The following GRM8 variants were observed in gnomAD, a reference collection of about 807,000 sequenced individuals.
The protein encoded by GRM8 is glutamate metabotropic receptor 8, also known as metabotropic glutamate receptor 8.
In GRM8, 47 loss-of-function variants were observed where a neutral mutation model predicts 87.2. That is an observed-to-expected ratio of 0.54 (90% CI 0.43 to 0.69). GRM8 has a LOEUF of 0.69. Ranked by LOEUF, GRM8 falls within the 30% of genes least tolerant of loss-of-function variation. GRM8 has a pLI of 0.00. For missense variants in GRM8, 1,019 were observed against 1,139.2 expected, an observed-to-expected ratio of 0.89 and a Z score of 1.52; for synonymous variants, 396 against 404.5, an observed-to-expected ratio of 0.98 and a Z score of 0.25.
At chr7:126,542,329 A>G (rs1469002517) in intron 8 of GRM8, among the ~76,000 whole-genome samples, 2 of 152,236 alleles carry the variant, frequency 1.3e-5, no homozygotes, top group Non-Finnish European at 2.9e-5. Context: ...GTACATACAG[A>G]AAGGAATAAA....
Position 126,956,057 on chromosome 7 carries a change from C to T in GRM8, c.728-51374G>A, listed in dbSNP as rs1419643302. On this transcript the variant is annotated intron_variant, in intron 3 of 10. Transcript: ENST00000339582. ...TGTCCAACAGAAAGCACGAATTTGA[C>T]GTGTCCAACAGAGAGGGACCAATTT... 2.0e-5 allele frequency among the ~76,000 whole-genome samples: 3 copies of T among 152,092 alleles called. 1 individual carries two copies. The highest frequency in any genetic ancestry group is 4.1e-4 in the South Asian group (2 of 4,830).
intron 3 of GRM8, among the ~76,000 whole-genome samples, chr7:127,015,069 A>AG: frequency 1.2e-5 from 1 of 80,222 alleles, no homozygotes; most frequent in African/African-American, 3.6e-5. Flanking sequence ...AAGAAGAAGA[A>AG]AGAAAGAAGG....
intron 2 of GRM8, among the ~76,000 whole-genome samples, chr7:127,153,818 TA>T (rs1792552985): frequency 6.6e-6 from 1 of 152,072 alleles, no homozygotes; most frequent in South Asian, 2.1e-4. Context: ...CAGTAAATGG[TA>T]AATAAATACT....
intron 3 of GRM8, among the ~76,000 whole-genome samples, chr7:127,032,996 G>A (rs1817520469): frequency 7.1e-6 from 1 of 141,080 alleles, no homozygotes; most frequent in Non-Finnish European, 1.5e-5. Flanking sequence ...ACTACCCTGA[G>A]GCCTTTCGTT....
At chr7:127,052,992 A>G (rs1819643125) in intron 3 of GRM8, among the ~76,000 whole-genome samples, 1 of 152,044 alleles carries the variant, frequency 6.6e-6, no homozygotes, top group Non-Finnish European at 1.5e-5. Flanking sequence ...TGTACAAAAA[A>G]TATACTCACC....
intron 3 of GRM8, among the ~76,000 whole-genome samples, chr7:127,100,304 T>A (rs1290936810): frequency 6.6e-6 from 1 of 152,220 alleles, no homozygotes; most frequent in Non-Finnish European, 1.5e-5. Context: ...TGTTTTCTTA[T>A]GAAACACTGC....
At chr7:126,816,907 A>G (rs910513736) in intron 6 of GRM8, among the ~76,000 whole-genome samples, 2 of 152,196 alleles carry the variant, frequency 1.3e-5, no homozygotes, top group East Asian at 1.9e-4. Context: ...TCACGCTTCC[A>G]TTATATTTTG....
chr7:126,488,685 A>C (rs1440132983), intron 9 of GRM8, among the ~76,000 whole-genome samples: 4 of 152,004 alleles, frequency 2.6e-5, no homozygotes, highest in African/African-American at 9.7e-5. Flanking sequence ...TTGGATATGT[A>C]CTCACTTATA....
chr7:127,076,502 A>AT (rs1268425928), intron 3 of GRM8, among the ~76,000 whole-genome samples: 1 of 152,218 alleles, frequency 6.6e-6, no homozygotes, highest in Non-Finnish European at 1.5e-5. Context: ...GCTCAGGAGG[A>AT]TTAGCGCCTG....
intron 3 of GRM8, among the ~76,000 whole-genome samples, chr7:127,025,653 T>A (rs935657483): frequency 6.6e-6 from 1 of 152,048 alleles, no homozygotes. Context: ...TTACATTTAT[T>A]TTTTTTCAAG....
At chr7:126,937,023 A>T (rs1806407214) in intron 3 of GRM8, among the ~76,000 whole-genome samples, 1 of 152,236 alleles carries the variant, frequency 6.6e-6, no homozygotes, top group African/African-American at 2.4e-5. Flanking sequence ...AAGGACAGAG[A>T]TACAGATATT....
intron 7 of GRM8, among the ~76,000 whole-genome samples, chr7:126,672,418 C>T (rs1806477898): frequency 6.6e-6 from 1 of 152,176 alleles, no homozygotes; most frequent in Non-Finnish European, 1.5e-5. Flanking sequence ...TTTATATTCA[C>T]TCTGTACCCC....
intron 7 of GRM8, among the ~76,000 whole-genome samples, chr7:126,736,022 ATGT>A (rs763569321): frequency 5.3e-5 from 8 of 152,090 alleles, no homozygotes; most frequent in Non-Finnish European, 1.0e-4. Flanking sequence ...CAGATTGTTA[ATGT>A]TAAGTTCTTC....
At chr7:127,102,149 G>A (rs1825342498) in intron 3 of GRM8, among the ~76,000 whole-genome samples, 1 of 152,184 alleles carries the variant, frequency 6.6e-6, no homozygotes, top group African/African-American at 2.4e-5. Context: ...TCAAAATGTG[G>A]CCTGGCTGCT....
At chr7:126,567,946 T>C (rs926881604) in intron 8 of GRM8, among the ~76,000 whole-genome samples, 1 of 152,136 alleles carries the variant, frequency 6.6e-6, no homozygotes, top group Non-Finnish European at 1.5e-5. Context: ...TCCTAAATGA[T>C]GGTGAATTAA....
At chr7:126,980,454 G>A (rs1450884397) in intron 3 of GRM8, among the ~76,000 whole-genome samples, 2 of 152,200 alleles carry the variant, frequency 1.3e-5, no homozygotes, top group Non-Finnish European at 2.9e-5. Flanking sequence ...TTCTTCAGAT[G>A]ACAGTAACTA....
chr7:126,727,282 T>A (rs1813098694), intron 7 of GRM8, among the ~76,000 whole-genome samples: 1 of 151,984 alleles, frequency 6.6e-6, no homozygotes, highest in South Asian at 2.1e-4. Flanking sequence ...ACATACTTTT[T>A]AAAAAATGCT....
chr7:126,543,223 G>A (rs1486360664), intron 8 of GRM8, among the ~76,000 whole-genome samples: 1 of 152,166 alleles, frequency 6.6e-6, no homozygotes, highest in African/African-American at 2.4e-5. Flanking sequence ...ATTTTAAAAA[G>A]TGGGCTTTAA....
chr7:126,594,214 T>A (rs894300200), intron 8 of GRM8, among the ~76,000 whole-genome samples: 1 of 152,018 alleles, frequency 6.6e-6, no homozygotes, highest in Non-Finnish European at 1.5e-5. Flanking sequence ...AAATACCATA[T>A]GATCTGGCCA....
Sources: allele counts gnomAD v4.1 joint callset (sites outside exome capture counted in the v4.1 genomes callset), GRCh38; gene constraint gnomAD v4.1.1; transcripts MANE v1.5; gene names NCBI Gene and HGNC (gene_info 2026-07-23, HGNC 2026-07-21).